Variants in COL4A1 observed in about 807,000 individuals in gnomAD.
The protein encoded by COL4A1 is collagen alpha-1(IV) chain.
In COL4A1, 40 loss-of-function variants were observed where a neutral mutation model predicts 216.6. That is an observed-to-expected ratio of 0.18 (90% CI 0.14 to 0.24). The LOEUF is 0.24. Among genes scored for constraint, COL4A1 ranks in the 10% least tolerant of loss-of-function variants. The pLI is 1.00. For missense variants in COL4A1, 1,628 were observed against 2,196.8 expected, an observed-to-expected ratio of 0.74 and a Z score of 5.18; for synonymous variants, 839 against 810.7, an observed-to-expected ratio of 1.03 and a Z score of -0.59.
At chr13:110,302,974 G>A (rs1464940826) in intron 1 of COL4A1, among the ~76,000 whole-genome samples, 3 of 152,058 alleles carry the variant, frequency 2.0e-5, no homozygotes, top group Non-Finnish European at 4.4e-5. Context: ...AAATATCATA[G>A]AATTCATCAA....
At chr13:110,272,230 G>A (rs1475489068) in intron 1 of COL4A1, among the ~76,000 whole-genome samples, 2 of 152,106 alleles carry the variant, frequency 1.3e-5, no homozygotes, top group Non-Finnish European at 2.9e-5. Flanking sequence ...TTCTTTTTCA[G>A]TAACTCAGAA....
chr13:110,227,208 G>C (rs1022689349), intron 2 of COL4A1, among the ~76,000 whole-genome samples: 1 of 151,934 alleles, frequency 6.6e-6, no homozygotes, highest in Non-Finnish European at 1.5e-5. Context: ...TGAGATCTTC[G>C]GCTAGAAACT....
intron 1 of COL4A1, among the ~76,000 whole-genome samples, chr13:110,254,294 T>C (rs9805608): frequency 0.26 from 40,078 of 152,070 alleles, 5,470 homozygotes; most frequent in South Asian, 0.35. Flanking sequence ...CCATGATCCA[T>C]AGGTTTACTG....
At chr13:110,302,415 G>GT (rs1334389687) in intron 1 of COL4A1, among the ~76,000 whole-genome samples, 2 of 152,188 alleles carry the variant, frequency 1.3e-5, no homozygotes, top group Non-Finnish European at 2.9e-5. Context: ...CCTTCAGGGA[G>GT]TAATGGTGCA....
chr13:110,258,200 A>G (rs1371213838), intron 1 of COL4A1, among the ~76,000 whole-genome samples: 1 of 150,644 alleles, frequency 6.6e-6, no homozygotes, highest in East Asian at 1.9e-4. Flanking sequence ...AGCTTAAATG[A>G]GCAGAAGTCA....
chr13:110,304,537 G>A (rs533485019), intron 1 of COL4A1, among the ~76,000 whole-genome samples: 1 of 152,292 alleles, frequency 6.6e-6, no homozygotes, highest in Admixed American at 6.5e-5. Flanking sequence ...AAGAGTAGAG[G>A]GTGCTCACAA....
intron 24 of COL4A1, among the ~76,000 whole-genome samples, chr13:110,189,132 C>T (rs998917450): frequency 1.3e-5 from 2 of 152,196 alleles, no homozygotes; most frequent in African/African-American, 4.8e-5. Flanking sequence ...GGCGCCATCT[C>T]GGCTCACCGC....
intron 20 of COL4A1, 103 bp downstream of exon 20, chr13:110,200,751 T>C (rs1594574599): frequency 8.2e-7 from 1 of 1,225,206 alleles, no homozygotes; most frequent in South Asian, 1.3e-5. Context: ...TTGCTACCGA[T>C]TGTGTGCAAA....
At position 110,282,596 on chromosome 13, in the gene COL4A1, T is replaced by A. The variant is rs565495399; in HGVS notation, c.84+24348A>T. ...TGCAGGAGCTCTGAATTGGGGAGAA[T>A]TTTGAGGCCCTGCCAAGGTCATTGA... On this transcript the variant is annotated intron_variant, in intron 1 of 51. Coordinates refer to ENST00000375820, the MANE Select transcript of COL4A1 (RefSeq NM_001845.6). Among the ~76,000 whole-genome samples, 7 of 152,252 alleles carry A rather than the reference T, an allele frequency of 4.6e-5. No homozygotes were observed. In the East Asian group the frequency reaches 1.4e-3, roughly 30 times the overall value.
chr13:110,157,618 C>T (rs1407595797), intron 49 of COL4A1, among the ~76,000 whole-genome samples: 4 of 152,206 alleles, frequency 2.6e-5, no homozygotes, highest in Middle Eastern at 3.4e-3. Flanking sequence ...TGCTGAGCTT[C>T]GATGTGTCAA....
intron 2 of COL4A1, among the ~76,000 whole-genome samples, chr13:110,231,840 C>G (rs924827241): frequency 6.6e-6 from 1 of 152,212 alleles, no homozygotes; most frequent in Non-Finnish European, 1.5e-5. Flanking sequence ...GTACTCAAGT[C>G]TTAGGGTTGT....
intron 2 of COL4A1, among the ~76,000 whole-genome samples, chr13:110,239,111 T>C (rs1232402585): frequency 6.6e-6 from 1 of 151,928 alleles, no homozygotes; most frequent in African/African-American, 2.4e-5. Flanking sequence ...CTCTCTGAAA[T>C]CCAGTAGAAA....
intron 1 of COL4A1, among the ~76,000 whole-genome samples, 157 bp downstream of exon 1, chr13:110,306,787 G>A (rs1400750067): frequency 1.3e-5 from 2 of 152,226 alleles, no homozygotes; most frequent in African/African-American, 4.8e-5. Context: ...GTAGCCTACA[G>A]GGACCCCCAA....
intron 21 of COL4A1, among the ~76,000 whole-genome samples, chr13:110,197,856 G>T (rs1284405352): frequency 6.6e-6 from 1 of 152,212 alleles, no homozygotes; most frequent in East Asian, 1.9e-4. Context: ...GGTTCCAAAG[G>T]CTGGCTCCAG....
Position 110,152,527 on chromosome 13 carries a change from G to A in COL4A1, c.4756-21C>T, listed in dbSNP as rs200168799. On this transcript the variant is annotated intron_variant, in intron 50 of 51. Coordinates refer to ENST00000375820, the MANE Select transcript of COL4A1 (RefSeq NM_001845.6). ...GTGTGCTGCAGAACAGATGCGAGCC[G>A]TGAGTCAGAGGTTCCCTCCCCAAAC... The A allele has an allele frequency of 3.3e-4, 532 of 1,600,152 alleles. 2 individuals carry two copies. In the East Asian group the frequency reaches 0.01, roughly 30 times the overall value.
intron 1 of COL4A1, among the ~76,000 whole-genome samples, chr13:110,253,666 T>C (rs56074949): frequency 1.5e-5 from 2 of 132,382 alleles, no homozygotes; most frequent in Admixed American, 7.7e-5. Context: ...TATAATTATA[T>C]GTGTATGTAT....
intron 1 of COL4A1, among the ~76,000 whole-genome samples, chr13:110,250,874 T>C (rs1882043113): frequency 6.6e-6 from 1 of 152,158 alleles, no homozygotes; most frequent in Non-Finnish European, 1.5e-5. Flanking sequence ...TCCAGGCAAA[T>C]ATGTAGACTT....
Position 110,221,752 on chromosome 13 carries a change from C to T in COL4A1, c.145-7737G>A, listed in dbSNP as rs115791398. Among the ~76,000 whole-genome samples, 1,281 of 152,270 alleles carry T rather than the reference C, an allele frequency of 8.4e-3. 22 individuals are homozygous for T. The highest frequency in any genetic ancestry group is 0.03 in the African/African-American group (1,232 of 41,540). ...CAAAATGCTCTCATTAATTCTTACT[C>T]CAAAGCAGTACTCCGTTTCAAATAT... On this transcript the variant is annotated intron_variant, in intron 2 of 51. Transcript: ENST00000375820.
At chr13:110,272,105 T>C (rs1225592416) in intron 1 of COL4A1, among the ~76,000 whole-genome samples, 2 of 152,180 alleles carry the variant, frequency 1.3e-5, no homozygotes, top group Non-Finnish European at 2.9e-5. Flanking sequence ...ATAGCCTCTT[T>C]AAAACAAAAA....
Sources: allele counts gnomAD v4.1 joint callset (sites outside exome capture counted in the v4.1 genomes callset), GRCh38; gene constraint gnomAD v4.1.1; transcripts MANE v1.5; gene names NCBI Gene and HGNC (gene_info 2026-07-23, HGNC 2026-07-21).